IGSF9B: variants seen among roughly 807,000 people sequenced by gnomAD.
IGSF9B encodes protein turtle homolog B.
A neutral mutation model predicts 143.7 loss-of-function variants in IGSF9B; 48 were observed. That is an observed-to-expected ratio of 0.33 (90% confidence interval 0.26 to 0.42). The LOEUF (loss-of-function observed/expected upper bound fraction) is 0.42. Ranked by LOEUF, IGSF9B falls within the 20% of genes least tolerant of loss-of-function variation. The probability of loss-of-function intolerance (pLI) is 1.00; values close to 1 mark genes in which losing one functional copy is unlikely to be tolerated. For missense variants in IGSF9B, 1,706 were observed against 1,980.0 expected (o/e 0.86, Z 2.63); for synonymous variants, 903 against 833.1 (o/e 1.08, Z -1.44).
chr11:133,931,054 G>A lies in IGSF9B; in HGVS notation c.1449C>T (p.His483=), dbSNP rs367653161. 141 of 1,613,638 alleles carry A rather than the reference G, an allele frequency of 8.7e-5. 1 individual carries two copies. Among genetic ancestry groups the A allele is most frequent in the South Asian group, 1.1e-4 (10 of 91,080 alleles). Residue 483 remains histidine (H), a synonymous_variant, in exon 11 of 20, where the codon CAC becomes CAT. Coordinates refer to ENST00000533871, the MANE Select transcript of IGSF9B (RefSeq NM_001277285.4). This position sits in a 1 kb window ranked among gnomAD's most constrained non-coding sequence, Gnocchi z 7.7. ...TGGTGGCGACACATTCCCACTCCCC[G>A]TGGTCCTCCTTACTCAGGGCACGGA... is the stretch of plus-strand genomic sequence containing the variant. The part of the protein sequence containing the change: ...LQFRALSKED[H]GEWECVATNV...
Position 133,920,305 on chromosome 11 carries a change from T to G in IGSF9B, c.3420A>C (p.Gln1140His), listed in dbSNP as rs761812455. The G allele has an allele frequency of 6.4e-7, 1 of 1,565,924 alleles. No homozygotes were observed. The highest frequency in any genetic ancestry group is 8.6e-7 in the Non-Finnish European group (1 of 1,156,400). ...VSQGQLRHTS[Q>H]GMGIPVLPYP... ...AAGGCAGCACAGGTATGCCCATGCC[T>G]TGGCTTGTATGTCGCAGCTGCCCTT... is the stretch of plus-strand genomic sequence containing the variant. Residue 1140 changes from glutamine (Q) to histidine (H), a missense_variant, in exon 18 of 20, where the codon CAA becomes CAC. Around this residue, in one of 7 missense-constraint regions of IGSF9B, gnomAD observed 880 missense variants for 762.9 expected, o/e 1.15. Transcript: ENST00000533871.
Position 133,901,395 on chromosome 11 carries a change from T to C in IGSF9B, c.*7674A>G, listed in dbSNP as rs1475541597. ...AAAAATAAAGCAAACTATGACTTCATATAGATATAGAGATATATAGACTTT... is the reference window on the plus strand; with the variant it reads ...AAAAATAAAGCAAACTATGACTTCACATAGATATAGAGATATATAGACTTT... On this transcript the variant is annotated 3_prime_UTR_variant, in exon 20 of 20. Coordinates refer to ENST00000533871, the MANE Select transcript of IGSF9B (RefSeq NM_001277285.4). The C allele has an allele frequency of 6.6e-6, 1 of 152,160 alleles. No individual in the cohort carries two copies. The highest frequency in any genetic ancestry group is 2.4e-5 in the African/African-American group (1 of 41,410). The allele number at this position is 152,160 out of a possible 1,614,324, so 9.4% of individuals were successfully genotyped here.
At chr11:133,956,158 G>C (rs1940248394) in intron 1 of IGSF9B, among the ~76,000 whole-genome samples, 1 of 152,160 alleles carries the variant, frequency 6.6e-6, no homozygotes, top group Non-Finnish European at 1.5e-5. Context: ...CAGGAGGGGC[G>C]CGAGCGGAGC....
Position 133,937,508 on chromosome 11 carries a change from CAG to C in IGSF9B, c.562-17_562-16del. On this transcript the variant is annotated splice_polypyrimidine_tract_variant and intron_variant, in intron 4 of 19. Coordinates refer to ENST00000533871, the MANE Select transcript of IGSF9B (RefSeq NM_001277285.4). ...CCGTCACTCACCTGGGAGCCCAAAA[CAG>C]AGGGAGCTCAGCACCCACGCTCACA... 1 of 1,603,092 alleles carries C rather than the reference CAG, an allele frequency of 6.2e-7. No individual in the cohort carries two copies. The highest frequency in any genetic ancestry group is 8.5e-7 in the Non-Finnish European group (1 of 1,170,930).
chr11:133,912,239 C>A, intron 18 of IGSF9B: 1 of 667,076 alleles, frequency 1.5e-6, no homozygotes, highest in Non-Finnish European at 2.7e-6. Flanking sequence ...AACCAACCTG[C>A]AGAGCAATCA....
intron 1 of IGSF9B, among the ~76,000 whole-genome samples, chr11:133,949,893 T>C (rs1206270228): frequency 6.6e-6 from 1 of 151,242 alleles, no homozygotes; most frequent in African/African-American, 2.4e-5. Context: ...TAGGTCTCAC[T>C]CTCTTTAGAG....
chr11:133,933,837 A>C (rs1436835829), intron 7 of IGSF9B, among the ~76,000 whole-genome samples: 1 of 152,112 alleles, frequency 6.6e-6, no homozygotes, highest in Non-Finnish European at 1.5e-5. Flanking sequence ...AGGGCTACGG[A>C]GGAGAAGGAT....
At chr11:133,933,987 T>G (rs571690064) in intron 7 of IGSF9B, among the ~76,000 whole-genome samples, 2 of 152,118 alleles carry the variant, frequency 1.3e-5, no homozygotes, top group East Asian at 3.9e-4. Flanking sequence ...GTAGAGTTTT[T>G]TTTTTTTTTC....
intron 1 of IGSF9B, among the ~76,000 whole-genome samples, chr11:133,956,442 C>T (rs564893616): frequency 1.1e-4 from 16 of 152,228 alleles, no homozygotes; most frequent in African/African-American, 3.4e-4. Flanking sequence ...TGCGTCCTTT[C>T]CCCGAGTGCC....
intron 16 of IGSF9B, 45 bp downstream of exon 16, chr11:133,922,524 T>C: frequency 1.3e-6 from 2 of 1,582,598 alleles, no homozygotes; most frequent in South Asian, 1.1e-5. Flanking sequence ...TGGGGGGCAT[T>C]TGAAACCGGG....
rs1939673415 is a variant in IGSF9B, at chr11:133,928,752, C to T, written c.1631+919G>A. On this transcript the variant is annotated intron_variant, in intron 12 of 19. Coordinates refer to ENST00000533871, the MANE Select transcript of IGSF9B (RefSeq NM_001277285.4). The surrounding 1 kb of genome is among the most constrained non-coding windows in gnomAD (Gnocchi z 4.7). ...GCTTCCTTCTCCTCCCTTCCTGTGC[C>T]TCCTGCCCTCACCCCGCTTGGCACA... is the stretch of plus-strand genomic sequence containing the variant. Among the ~76,000 whole-genome samples the T allele has an allele frequency of 6.6e-6, 1 of 152,180 alleles. No homozygotes were observed. The highest frequency in any genetic ancestry group is 2.1e-4 in the South Asian group (1 of 4,830).
At chr11:133,936,521 G>A (rs536660444) in intron 5 of IGSF9B, among the ~76,000 whole-genome samples, 2 of 152,330 alleles carry the variant, frequency 1.3e-5, no homozygotes, top group African/African-American at 4.8e-5. Context: ...CAAGGAGTCA[G>A]GGCCGTGGGC....
At position 133,946,856 on chromosome 11, in the gene IGSF9B, C is replaced by T. The variant is rs184599417; in HGVS notation, c.65-598G>A. ...CAGGGAAATCCCTAACAAGCTCAGC[C>T]GAGGCTGCTCGTGGCAACACCAGAG... On this transcript the variant is annotated intron_variant, in intron 1 of 19. Coordinates refer to ENST00000533871, the MANE Select transcript of IGSF9B (RefSeq NM_001277285.4). Among the ~76,000 whole-genome samples, 12 of 152,310 alleles carry T rather than the reference C, an allele frequency of 7.9e-5. No individual in the cohort carries two copies. In the East Asian group the frequency reaches 2.3e-3, roughly 29 times the overall value.
intron 1 of IGSF9B, among the ~76,000 whole-genome samples, chr11:133,950,501 C>T (rs554411058): frequency 3.5e-4 from 54 of 152,314 alleles, no homozygotes; most frequent in African/African-American, 1.2e-3. Flanking sequence ...GCCCGATGCA[C>T]GGATGGTGTC....
chr11:133,945,673 G>C lies in IGSF9B; in HGVS notation c.262+388C>G, dbSNP rs540900879. On this transcript the variant is annotated intron_variant, in intron 2 of 19. Transcript: ENST00000533871. This position sits in a 1 kb window ranked among gnomAD's most constrained non-coding sequence, Gnocchi z 4.6. ...AAAGATTCATCCATACACTCAGGAC[G>C]GGAAGGCGCCCCGACTTCAGAGCCA... Among the ~76,000 whole-genome samples, 18 of 152,140 alleles carry C rather than the reference G, an allele frequency of 1.2e-4. No individual in the cohort carries two copies. The highest frequency in any genetic ancestry group is 1.5e-4 in the Non-Finnish European group (10 of 68,036).
chr11:133,897,909 C>CCATA lies in IGSF9B; in HGVS notation c.*11156_*11159dup, dbSNP rs1565408360. On this transcript the variant is annotated 3_prime_UTR_variant, in exon 20 of 20. Coordinates refer to ENST00000533871, the MANE Select transcript of IGSF9B (RefSeq NM_001277285.4). Reference sequence around the variant, plus strand: ...GCTGCCCAAACTCACTTTAACCAGTCCATACATACATACAGAAAAGAAAGA... The same window carrying CCATA: ...GCTGCCCAAACTCACTTTAACCAGTCCATACATACATACATACAGAAAAGAAAGA... 4 of 152,040 alleles carry CCATA rather than the reference C, an allele frequency of 2.6e-5. No individual in the cohort carries two copies. Among genetic ancestry groups the CCATA allele is most frequent in the Admixed American group, 2.0e-4 (3 of 15,254 alleles). The allele number at this position is 152,040 out of a possible 1,614,324, so 9.4% of individuals were successfully genotyped here.
In IGSF9B at chr11:133,926,993, G is replaced by A. The variant is rs1457792941; in HGVS notation, c.1730C>T (p.Ala577Val). Reference sequence around the variant, plus strand: ...CTGGGCCAGGACGCTGAACTGGTACGCTGTCTCAGGCTCCAGGGTGTCCAC... The same window carrying A: ...CTGGGCCAGGACGCTGAACTGGTACACTGTCTCAGGCTCCAGGGTGTCCAC... ...LLVDTLEPET[A>V]YQFSVLAQNK... is the part of the protein sequence containing the mutation. Residue 577 changes from alanine (A) to valine (V), a missense_variant, in exon 13 of 20, where the codon GCG (alanine) becomes GTG (valine). Physicochemically the swap from Ala to Val is moderately conservative, Grantham distance 64. Transcript: ENST00000533871. 3.2e-6 allele frequency: 5 copies of A among 1,584,884 alleles called. No homozygotes were observed. The South Asian group carries it at 3.5e-5, about 11-fold the overall frequency.
intron 18 of IGSF9B, chr11:133,912,337 C>G (rs775843339): frequency 2.0e-6 from 1 of 501,524 alleles, no homozygotes; most frequent in East Asian, 5.6e-5. Flanking sequence ...GTGTCAGAGA[C>G]AGAAGTAGGC....
chr11:133,944,421 TCC>T, intron 2 of IGSF9B, 55 bp from the exon 3 acceptor site: 1 of 1,576,198 alleles, frequency 6.3e-7, no homozygotes, highest in East Asian at 2.2e-5. Flanking sequence ...GGACAGCAGC[TCC>T]CCGCCCCCTG....
Sources: allele counts gnomAD v4.1 joint callset (sites outside exome capture counted in the v4.1 genomes callset), GRCh38; gene constraint gnomAD v4.1.1; regional missense constraint gnomAD v4.1.1; non-coding constraint Gnocchi (gnomAD v3.1); transcripts MANE v1.5; gene names NCBI Gene and HGNC (gene_info 2026-07-23, HGNC 2026-07-21).